Variants in HDAC8 observed in about 807,000 individuals in gnomAD.
The protein encoded by HDAC8 is histone deacetylase-like 1.
Under a neutral mutation model 32.2 loss-of-function variants are expected in HDAC8, and 1 was observed. The ratio of observed to expected loss-of-function variants is 0.03; its 90% CI spans 0.01 to 0.15. The LOEUF is 0.15. Among genes scored for constraint, HDAC8 ranks in the 10% least tolerant of loss-of-function variants. HDAC8 has a pLI of 1.00. For missense variants in HDAC8, 117 were observed against 300.0 expected, an observed-to-expected ratio of 0.39 and a Z score of 4.51; for synonymous variants, 108 against 113.9, an observed-to-expected ratio of 0.95 and a Z score of 0.33.
intron 4 of HDAC8, among the ~76,000 whole-genome samples, chrX:72,523,162 C>G (rs1322515524): frequency 8.9e-6 from 1 of 111,948 alleles, no homozygotes; most frequent in East Asian, 2.8e-4. Context: ...GCTTATTTTT[C>G]ATTTTGATAC....
intron 7 of HDAC8, among the ~76,000 whole-genome samples, chrX:72,475,552 C>A (rs1206266743): frequency 1.8e-5 from 2 of 111,680 alleles, no homozygotes; most frequent in Non-Finnish European, 3.8e-5. Flanking sequence ...TGGTAAATGC[C>A]TCAGTGACTT....
intron 6 of HDAC8, 133 bp from the exon 7 acceptor site, chrX:72,489,174 C>A: frequency 2.1e-6 from 1 of 478,964 alleles, no homozygotes; most frequent in Non-Finnish European, 3.6e-6. Flanking sequence ...GTATTGTAAA[C>A]AATCTTGGAG....
At chrX:72,464,772 G>T (rs782561917) in intron 7 of HDAC8, 41 bp from the exon 8 acceptor site, 2 of 1,033,736 alleles carry the variant, frequency 1.9e-6, no homozygotes, top group African/African-American at 1.9e-5. Context: ...GGTCAGTTTG[G>T]TCTAGGGGTA....
At chrX:72,474,802 C>T (rs1385840290) in intron 7 of HDAC8, 6 of 611,947 alleles carry the variant, frequency 9.8e-6, no homozygotes, top group African/African-American at 9.1e-5. Flanking sequence ...AGAACAAAAT[C>T]GTAGAGTTAC....
intron 9 of HDAC8, among the ~76,000 whole-genome samples, chrX:72,391,359 A>G (rs1555963739): frequency 8.9e-6 from 1 of 112,373 alleles, no homozygotes; most frequent in Non-Finnish European, 1.9e-5. Flanking sequence ...TTCCTAACTC[A>G]CAGGCAGAAG....
At chrX:72,333,095 A>T (rs1341711170) in intron 10 of HDAC8, among the ~76,000 whole-genome samples, 5 of 106,735 alleles carry the variant, frequency 4.7e-5, no homozygotes, top group African/African-American at 1.7e-4. Context: ...TTCCTTATCA[A>T]TTTTTTTTCT....
At chrX:72,402,582 C>T (rs2045936452) in intron 9 of HDAC8, among the ~76,000 whole-genome samples, 1 of 110,383 alleles carries the variant, frequency 9.1e-6, no homozygotes, top group African/African-American at 3.3e-5. Context: ...TTCTAATTTC[C>T]TTTGTGATTT....
At chrX:72,349,188 T>C (rs782549687) in intron 10 of HDAC8, among the ~76,000 whole-genome samples, 1 of 112,529 alleles carries the variant, frequency 8.9e-6, no homozygotes, top group Non-Finnish European at 1.9e-5. Context: ...GTGACAGATA[T>C]ATGAAGTAGA....
At chrX:72,406,826 T>C (rs927654910) in intron 9 of HDAC8, among the ~76,000 whole-genome samples, 1 of 112,409 alleles carries the variant, frequency 8.9e-6, no homozygotes, top group African/African-American at 3.2e-5. Context: ...ACATTTCAAG[T>C]GCTCAAAAGT....
At chrX:72,462,539 G>A (rs1455197429) in intron 8 of HDAC8, 3 of 113,267 alleles carry the variant, frequency 2.6e-5, no homozygotes, top group African/African-American at 6.5e-5. Flanking sequence ...GGCAGATCTA[G>A]CCCTAAAAAC....
chrX:72,496,334 C>T (rs2049018420), intron 4 of HDAC8, among the ~76,000 whole-genome samples: 1 of 109,982 alleles, frequency 9.1e-6, no homozygotes, highest in African/African-American at 3.3e-5. Flanking sequence ...ATCAATAAGA[C>T]ATGTACACTG....
At chrX:72,387,711 T>TA (rs2045481732) in intron 9 of HDAC8, among the ~76,000 whole-genome samples, 1 of 112,130 alleles carries the variant, frequency 8.9e-6, no homozygotes, top group East Asian at 2.8e-4. Context: ...GCCAGGCACA[T>TA]AGTAATCACT....
At chrX:72,546,378 T>TG (rs2050864305) in intron 4 of HDAC8, among the ~76,000 whole-genome samples, 1 of 110,826 alleles carries the variant, frequency 9.0e-6, no homozygotes, top group African/African-American at 3.3e-5. Context: ...ACAGAATTGT[T>TG]GGGGGAAGAA....
chrX:72,530,972 G>A (rs2050318478), intron 4 of HDAC8, among the ~76,000 whole-genome samples: 3 of 112,113 alleles, frequency 2.7e-5, no homozygotes, highest in East Asian at 2.8e-4. Context: ...CAATTAAGCC[G>A]TGCCTTGAAG....
At chrX:72,540,967 T>G (rs1264392144) in intron 4 of HDAC8, among the ~76,000 whole-genome samples, 1 of 111,418 alleles carries the variant, frequency 9.0e-6, no homozygotes. Flanking sequence ...ATGTGCCAGG[T>G]AGAGTTCTAG....
chrX:72,461,953 G>A (rs1308226196), intron 9 of HDAC8, 51 bp downstream of exon 9: 1 of 942,197 alleles, frequency 1.1e-6, no homozygotes, highest in Non-Finnish European at 1.5e-6. Flanking sequence ...TAGGTGGAAT[G>A]ACTCAGCTCT....
At chrX:72,525,813 C>CAGAA (rs2050131876) in intron 4 of HDAC8, among the ~76,000 whole-genome samples, 1 of 21,555 alleles carries the variant, frequency 4.6e-5, no homozygotes, top group Non-Finnish European at 8.0e-5. Context: ...GACTCTGTCT[C>CAGAA]AAAAAAAAAA....
intron 9 of HDAC8, among the ~76,000 whole-genome samples, chrX:72,453,464 T>TAAATAAAGAAAG (rs79152861): frequency 3.6e-4 from 24 of 67,247 alleles, no homozygotes; most frequent in African/African-American, 1.2e-3. Flanking sequence ...CTCTTAAAAA[T>TAAATAAAGAAAG]AAAGAAAGAA....
At position 72,519,018 on chromosome X, in the gene HDAC8, A is replaced by C. The variant is rs1556026951; in HGVS notation, c.438-23750T>G. On this transcript the variant is annotated intron_variant, in intron 4 of 10. Coordinates refer to ENST00000373573, the MANE Select transcript of HDAC8 (RefSeq NM_018486.3). ...TTGCTTCCAGATTTTGACAATTATG[A>C]ATAAAGCTGCTATAAACATTTGTGT... Among the ~76,000 whole-genome samples, 3 of 112,791 alleles carry C rather than the reference A, an allele frequency of 2.7e-5. No individual in the cohort carries two copies. The East Asian group carries it at 8.3e-4, about 31-fold the overall frequency.
Sources: allele counts gnomAD v4.1 joint callset (sites outside exome capture counted in the v4.1 genomes callset), GRCh38; gene constraint gnomAD v4.1.1; transcripts MANE v1.5; gene names NCBI Gene and HGNC (gene_info 2026-07-23, HGNC 2026-07-21).